Variants in C3orf49 observed in about 807,000 individuals in gnomAD.
C3orf49 encodes chromosome 3 open reading frame 49.
A neutral mutation model predicts 13.3 loss-of-function variants in C3orf49; 27 were observed. The observed-to-expected ratio is 2.02, with a 90% CI of 1.49 to 2.79. The LOEUF is 2.79. C3orf49 is among the 30% of genes most tolerant of loss of function. C3orf49 has a pLI of 0.00. For missense variants in C3orf49, 242 were observed against 134.2 expected (o/e 1.80, Z -3.97); for synonymous variants, 87 against 47.6 (o/e 1.83, Z -3.40).
the C3orf49 span, among the ~76,000 whole-genome samples, chr3:63,807,511 A>G: frequency 6.6e-6 from 1 of 152,152 alleles, no homozygotes; most frequent in African/African-American, 2.4e-5. Context: ...TTTTCAAATG[A>G]CTGAGATGCT....
the C3orf49 span, among the ~76,000 whole-genome samples, chr3:63,783,727 TTAAATTAATTAATTCA>T: frequency 2.0e-5 from 3 of 147,452 alleles, no homozygotes. Context: ...CAAAAAAAAA[TTAAATTAATTAATTCA>T]TTAATTAATT....
intron 6 of C3orf49, among the ~76,000 whole-genome samples, chr3:63,848,081 A>G (rs1701938698): frequency 6.6e-6 from 1 of 152,342 alleles, no homozygotes; most frequent in Admixed American, 6.5e-5. Flanking sequence ...AGACATTGAA[A>G]TAAATTGAAG....
At chr3:63,822,667 T>C (rs999782446) in intron 1 of C3orf49, among the ~76,000 whole-genome samples, 1 of 152,228 alleles carries the variant, frequency 6.6e-6, no homozygotes, top group Non-Finnish European at 1.5e-5. Flanking sequence ...TAATAAAATA[T>C]GCCAAAATTA....
In C3orf49 at chr3:63,823,336, T is replaced by G. The variant is rs1478522841; in HGVS notation, c.212T>G (p.Phe71Cys). Reference protein sequence around the residue: ...EESSSDSDMGFHESQQNQKSN... With the variant: ...EESSSDSDMGCHESQQNQKSN... ...TCATCCAGTGATAGTGACATGGGAT[T>G]TCATGAAAGCCAGCAAAATCAGAAA... Residue 71 changes from phenylalanine (F) to cysteine (C), a missense_variant, in exon 2 of 7, where the codon TTT (phenylalanine) becomes TGT (cysteine). Transcript: ENST00000295896. The G allele has an allele frequency of 5.7e-6, 4 of 703,012 alleles. No homozygotes were observed. The highest frequency in any genetic ancestry group is 5.2e-6 in the Non-Finnish European group (2 of 385,044). 43.5% of individuals were successfully genotyped at this position (703,012 alleles called of 1,614,324 possible). A position where few individuals can be genotyped will look rare whatever the true frequency, so the allele number is the denominator to read the frequency against.
At chr3:63,829,393 CT>C (rs753689652) in intron 3 of C3orf49, among the ~76,000 whole-genome samples, 5 of 152,134 alleles carry the variant, frequency 3.3e-5, no homozygotes, top group Non-Finnish European at 7.3e-5. Context: ...AAATTGACCC[CT>C]ATCTCACACC....
At chr3:63,822,452 G>C (rs930118464) in intron 1 of C3orf49, among the ~76,000 whole-genome samples, 3 of 152,218 alleles carry the variant, frequency 2.0e-5, no homozygotes, top group African/African-American at 7.2e-5. Flanking sequence ...TGATACTCTA[G>C]CACAGTGGTG....
chr3:63,845,529 C>T (rs1243686456), intron 6 of C3orf49, among the ~76,000 whole-genome samples: 2 of 152,146 alleles, frequency 1.3e-5, no homozygotes, highest in South Asian at 2.1e-4. Flanking sequence ...AGGTAACCAA[C>T]GGCAGTCACA....
At chr3:63,828,541 C>T (rs990471584) in intron 3 of C3orf49, among the ~76,000 whole-genome samples, 1 of 152,158 alleles carries the variant, frequency 6.6e-6, no homozygotes, top group Non-Finnish European at 1.5e-5. Flanking sequence ...CTCAAGTAAT[C>T]CACCTGCCTT....
intron 5 of C3orf49, among the ~76,000 whole-genome samples, chr3:63,841,009 G>C (rs1701746086): frequency 6.6e-6 from 1 of 152,206 alleles, no homozygotes; most frequent in African/African-American, 2.4e-5. Context: ...GTTTATAGTA[G>C]AAAGATTGCA....
the C3orf49 span, among the ~76,000 whole-genome samples, chr3:63,788,536 G>C: frequency 6.6e-6 from 1 of 152,146 alleles, no homozygotes; most frequent in Non-Finnish European, 1.5e-5. Flanking sequence ...ACAGGAAGGG[G>C]ACAGAAGGGG....
chr3:63,829,636 T>C (rs984570976), intron 3 of C3orf49, among the ~76,000 whole-genome samples: 5 of 152,264 alleles, frequency 3.3e-5, no homozygotes, highest in Non-Finnish European at 7.3e-5. Context: ...TATAAAAATG[T>C]TTTGTTTAGC....
At chr3:63,788,118 T>A in the C3orf49 span, among the ~76,000 whole-genome samples, 1 of 152,150 alleles carries the variant, frequency 6.6e-6, no homozygotes, top group Admixed American at 6.5e-5. Flanking sequence ...CTTAGCATCA[T>A]TGATAATAAA....
At chr3:63,782,767 A>G in the C3orf49 span, 3 of 152,234 alleles carry the variant, frequency 2.0e-5, no homozygotes, top group African/African-American at 7.2e-5. Flanking sequence ...AAGTCTGCTA[A>G]TCTCCATACA....
At chr3:63,804,109 G>A in the C3orf49 span, among the ~76,000 whole-genome samples, 1 of 152,210 alleles carries the variant, frequency 6.6e-6, no homozygotes, top group South Asian at 2.1e-4. Context: ...GAGATAATGA[G>A]AGTGATGGGG....
At chr3:63,806,978 G>T in the C3orf49 span, among the ~76,000 whole-genome samples, 15 of 151,448 alleles carry the variant, frequency 9.9e-5, no homozygotes, top group African/African-American at 3.4e-4. Flanking sequence ...TTTAGACGGA[G>T]TCTCGCTCTG....
intron 3 of C3orf49, among the ~76,000 whole-genome samples, chr3:63,829,257 T>C (rs1433436899): frequency 1.3e-5 from 2 of 152,208 alleles, no homozygotes; most frequent in Non-Finnish European, 2.9e-5. Flanking sequence ...GTCTTGCTTC[T>C]GTGGAACTTA....
chr3:63,838,308 C>A, intron 5 of C3orf49: 1 of 1,144,550 alleles, frequency 8.7e-7, no homozygotes, highest in Non-Finnish European at 1.2e-6. Flanking sequence ...AAATTGTTAG[C>A]AGGTATTGTT....
At position 63,831,821 on chromosome 3, in the gene C3orf49, A is replaced by G; in HGVS notation, c.826A>G (p.Met276Val). 1.4e-6 allele frequency: 1 copy of G among 698,250 alleles called. No individual in the cohort carries two copies. Among genetic ancestry groups the G allele is most frequent in the Non-Finnish European group, 2.6e-6 (1 of 383,938 alleles). 43.3% of individuals were successfully genotyped at this position (698,250 alleles called of 1,614,324 possible). A position where few individuals can be genotyped will look rare whatever the true frequency, so the allele number is the denominator to read the frequency against. ...KQFQRISKRT[M>V]RKYKLKNMTT... ...GTTCCAGAGGATATCCAAGAGAACCATGAGGAAGTATAAATTAAAAAATGT... is the reference window on the plus strand; with the variant it reads ...GTTCCAGAGGATATCCAAGAGAACCGTGAGGAAGTATAAATTAAAAAATGT... The change falls in exon 5 of 7, where the codon ATG (methionine) becomes GTG (valine). Residue 276 changes from methionine to valine, a missense_variant. Transcript: ENST00000295896.
At chr3:63,803,378 G>T in the C3orf49 span, among the ~76,000 whole-genome samples, 1 of 152,242 alleles carries the variant, frequency 6.6e-6, no homozygotes, top group East Asian at 1.9e-4. Flanking sequence ...ATGTACATGT[G>T]GGGTTGAGAA....
Sources: gnomAD v4.1 joint callset for allele counts (sites outside exome capture counted in the v4.1 genomes callset) on GRCh38, gnomAD v4.1.1 for gene constraint, MANE v1.5 for transcripts, NCBI Gene and HGNC (gene_info 2026-07-23, HGNC 2026-07-21) for gene names.